Variants in BCL2L13 observed in about 807,000 individuals in gnomAD.
The protein encoded by BCL2L13 is bcl-2-like protein 13.
A neutral mutation model predicts 25.8 loss-of-function variants in BCL2L13; 13 were observed. That is an observed-to-expected ratio of 0.50 (90% confidence interval 0.33 to 0.80). The LOEUF (loss-of-function observed/expected upper bound fraction) is 0.80. Among genes scored for constraint, BCL2L13 ranks in the 30% least tolerant of loss-of-function variants. The probability of loss-of-function intolerance (pLI) is 0.02; values close to 1 mark genes in which losing one functional copy is unlikely to be tolerated. For missense variants in BCL2L13, 504 were observed against 574.9 expected (o/e 0.88, Z 1.26); for synonymous variants, 244 against 230.3 (o/e 1.06, Z -0.54).
At chr22:17,654,844 C>T (rs2058801773) in intron 1 of BCL2L13, among the ~76,000 whole-genome samples, 2 of 151,958 alleles carry the variant, frequency 1.3e-5, no homozygotes, top group African/African-American at 4.8e-5. Flanking sequence ...GCCTCAGCTT[C>T]CTGAGTAACT....
intron 2 of BCL2L13, among the ~76,000 whole-genome samples, chr22:17,662,832 A>G (rs1257082917): frequency 6.6e-6 from 1 of 152,132 alleles, no homozygotes; most frequent in Non-Finnish European, 1.5e-5. Context: ...AAATAAAAAT[A>G]AAATAAATAA....
intron 4 of BCL2L13, among the ~76,000 whole-genome samples, chr22:17,691,913 A>C (rs1011073086): frequency 6.6e-6 from 1 of 152,206 alleles, no homozygotes; most frequent in Non-Finnish European, 1.5e-5. Context: ...TTTTTCCCAA[A>C]TCTTGATAGA....
chr22:17,661,991 CA>C (rs757785893), intron 2 of BCL2L13, among the ~76,000 whole-genome samples: 2,098 of 105,722 alleles, frequency 0.02, 32 homozygotes, highest in African/African-American at 0.058. Flanking sequence ...AACTCCATCT[CA>C]AAAAAAAAAA....
intron 6 of BCL2L13, among the ~76,000 whole-genome samples, chr22:17,719,153 C>CAAAAAAAAAA (rs59630355): frequency 2.4e-4 from 11 of 45,502 alleles, no homozygotes; most frequent in Admixed American, 8.6e-4. Flanking sequence ...GGCTCTGTCT[C>CAAAAAAAAAA]AAAAAAAAAA....
intron 2 of BCL2L13, among the ~76,000 whole-genome samples, chr22:17,681,133 CTG>C (rs2059741294): frequency 6.6e-6 from 1 of 152,104 alleles, no homozygotes. Flanking sequence ...TAGTACAAAA[CTG>C]TAGTACATTA....
chr22:17,695,835 T>C, intron 4 of BCL2L13: 1 of 254,638 alleles, frequency 3.9e-6, no homozygotes, highest in Middle Eastern at 1.4e-3. Flanking sequence ...GTATTAATAA[T>C]TCAGGTATTT....
At chr22:17,695,563 A>C (rs1601696759) in intron 4 of BCL2L13, among the ~76,000 whole-genome samples, 1 of 151,994 alleles carries the variant, frequency 6.6e-6, no homozygotes, top group South Asian at 2.1e-4. Context: ...TTCGTGATCC[A>C]CCTGCCTCGG....
At chr22:17,639,102 C>G (rs960328693) in intron 1 of BCL2L13, among the ~76,000 whole-genome samples, 1 of 152,188 alleles carries the variant, frequency 6.6e-6, no homozygotes, top group Admixed American at 6.5e-5. Context: ...GCCGCGCGGC[C>G]CCGCCGCTGA....
intron 4 of BCL2L13, among the ~76,000 whole-genome samples, chr22:17,691,488 T>C (rs2060102762): frequency 6.6e-6 from 1 of 151,960 alleles, no homozygotes; most frequent in South Asian, 2.1e-4. Context: ...CTACTAAAAA[T>C]ACAAAAAATT....
upstream of BCL2L13, among the ~76,000 whole-genome samples, chr22:17,635,960 T>C (rs1601435978): frequency 6.6e-6 from 1 of 151,052 alleles, no homozygotes; most frequent in Non-Finnish European, 1.5e-5. Context: ...CCGTCCCCCT[T>C]GGCCTCCCAA....
At chr22:17,653,478 T>C (rs2058752727) in intron 1 of BCL2L13, among the ~76,000 whole-genome samples, 1 of 151,210 alleles carries the variant, frequency 6.6e-6, no homozygotes, top group Non-Finnish European at 1.5e-5. Context: ...TCTGTCTTCC[T>C]TACCACCTCC....
chr22:17,674,002 C>T (rs1359480988), intron 2 of BCL2L13, among the ~76,000 whole-genome samples: 5 of 152,082 alleles, frequency 3.3e-5, no homozygotes, highest in African/African-American at 1.2e-4. Flanking sequence ...ATATTTCACA[C>T]AAGTCTAGGA....
At position 17,646,955 on chromosome 22, in the gene BCL2L13, A is replaced by ATTTT. The variant is rs149460093; in HGVS notation, c.-51+8090_-51+8093dup. Among the ~76,000 whole-genome samples, 80 of 22,192 alleles carry ATTTT rather than the reference A, an allele frequency of 3.6e-3. 1 individual carries two copies. The highest frequency in any genetic ancestry group is 0.011 in the South Asian group (2 of 190). The allele number at this position is 22,192 out of a possible 152,430, so 14.6% of individuals were successfully genotyped here. On this transcript the variant is annotated intron_variant, in intron 1 of 6. Transcript: ENST00000317582. ...TACATATATATATATATATATATAT[A>ATTTT]TTTTTTTTTTTTTTTTTTTTTTTTC...
chr22:17,654,878 C>T (rs979403216), intron 1 of BCL2L13, among the ~76,000 whole-genome samples: 4 of 152,034 alleles, frequency 2.6e-5, no homozygotes, highest in East Asian at 1.9e-4. Context: ...GGCCCTACCA[C>T]GCCCAGCTAA....
rs181011075 is a variant in BCL2L13 at position 17,644,062 on chromosome 22, C to T, written c.-51+5176C>T. On this transcript the variant is annotated intron_variant, in intron 1 of 6. Coordinates refer to ENST00000317582, the MANE Select transcript of BCL2L13 (RefSeq NM_015367.4). ...AGTAGCTGGGAATACAGATGCACAC[C>T]GCCACACCCAGCTAATTTTTGTATT... 5.0e-3 allele frequency among the ~76,000 whole-genome samples: 758 copies of T among 151,056 alleles called. 36 individuals carry two copies. Among genetic ancestry groups the T allele is most frequent in the African/African-American group, 0.018 (726 of 40,584 alleles).
At chr22:17,685,264 T>C (rs2059891086) in intron 3 of BCL2L13, among the ~76,000 whole-genome samples, 1 of 152,130 alleles carries the variant, frequency 6.6e-6, no homozygotes, top group Admixed American at 6.6e-5. Flanking sequence ...CTTGCTCTGT[T>C]GCACAGGCTG....
At chr22:17,646,917 TG>T in intron 1 of BCL2L13, among the ~76,000 whole-genome samples, 2 of 118,212 alleles carry the variant, frequency 1.7e-5, no homozygotes, top group African/African-American at 2.9e-5. Flanking sequence ...TGTGTGTGTG[TG>T]TGTGTATAAA....
chr22:17,723,386 A>C (rs932977589), intron 6 of BCL2L13, among the ~76,000 whole-genome samples: 31 of 152,308 alleles, frequency 2.0e-4, no homozygotes, highest in African/African-American at 7.5e-4. Flanking sequence ...GTTTTGTGTT[A>C]TCTCTGCTTA....
At chr22:17,682,448 G>C (rs2059784104) in intron 2 of BCL2L13, among the ~76,000 whole-genome samples, 1 of 152,084 alleles carries the variant, frequency 6.6e-6, no homozygotes, top group African/African-American at 2.4e-5. Flanking sequence ...ATACAATTAG[G>C]GATCTATATA....
Sources: gnomAD v4.1 joint callset for allele counts (sites outside exome capture counted in the v4.1 genomes callset) on GRCh38, gnomAD v4.1.1 for gene constraint, MANE v1.5 for transcripts, NCBI Gene and HGNC (gene_info 2026-07-23, HGNC 2026-07-21) for gene names.